Variants in PDIA5 observed in about 807,000 individuals in gnomAD.
The protein encoded by PDIA5 is protein disulfide isomerase family A member 5, also known as protein disulfide-isomerase A5.
In PDIA5, 58 loss-of-function variants were observed where a neutral mutation model predicts 77.6. The observed-to-expected ratio is 0.75, with a 90% CI of 0.61 to 0.93. The LOEUF (loss-of-function observed/expected upper bound fraction) is 0.93, where lower values mean the gene tolerates loss of function less well. PDIA5 is among the 40% of genes least tolerant of loss of function. The probability of loss-of-function intolerance (pLI) is 0.00; values close to 1 mark genes in which losing one functional copy is unlikely to be tolerated. For missense variants in PDIA5, 630 were observed against 647.7 expected, an observed-to-expected ratio of 0.97 and a Z score of 0.30; for synonymous variants, 250 against 252.1, an observed-to-expected ratio of 0.99 and a Z score of 0.08.
At chr3:123,132,335 T>C (rs1935388920) in intron 11 of PDIA5, among the ~76,000 whole-genome samples, 3 of 152,196 alleles carry the variant, frequency 2.0e-5, no homozygotes, top group Admixed American at 2.0e-4. Flanking sequence ...AACATACTCT[T>C]ACCATGGATT....
At chr3:123,077,957 G>A (rs560176175) in intron 1 of PDIA5, among the ~76,000 whole-genome samples, 2 of 151,952 alleles carry the variant, frequency 1.3e-5, no homozygotes, top group African/African-American at 2.4e-5. Context: ...CTACAGGCAC[G>A]TGCCACCATG....
chr3:123,096,633 G>T (rs1269880207), intron 3 of PDIA5, among the ~76,000 whole-genome samples: 3 of 152,096 alleles, frequency 2.0e-5, no homozygotes, highest in Admixed American at 2.0e-4. Flanking sequence ...CTTCTCTGCT[G>T]GTTTTCTCCC....
chr3:123,069,212 G>T lies in PDIA5; in HGVS notation c.42+2006G>T, dbSNP rs553831001. Among the ~76,000 whole-genome samples, 14 of 152,296 alleles carry T rather than the reference G, an allele frequency of 9.2e-5. No individual in the cohort carries two copies. In the East Asian group the frequency reaches 2.7e-3, roughly 29 times the overall value. ...TATCTATCTGATAAGTGCTCCCCAG[G>T]TTCCTGGAAGCCGGTTGGGTTTCTT... On this transcript the variant is annotated intron_variant, in intron 1 of 16. Transcript: ENST00000316218.
Position 123,106,718 on chromosome 3 carries a change from T to C in PDIA5, c.388-31T>C, listed in dbSNP as rs185611008. 2.0e-4 allele frequency: 308 copies of C among 1,506,902 alleles called. No homozygotes were observed. In the African/African-American group the frequency reaches 3.7e-3, roughly 18 times the overall value. The allele number at this position is 1,506,902 out of a possible 1,614,324, so 93.3% of individuals were successfully genotyped here. On this transcript the variant is annotated intron_variant, in intron 5 of 16. Transcript: ENST00000316218. ...CACCTCCCTCTTTTCAGGGCTAAAA[T>C]GCATTTTCTCTTCTCTTTTTTTTCC...
intron 14 of PDIA5, 65 bp from the exon 15 acceptor site, chr3:123,154,906 C>G: frequency 9.3e-7 from 1 of 1,073,590 alleles, no homozygotes; most frequent in Non-Finnish European, 1.4e-6. Context: ...AGGAAGGGTC[C>G]CTGGCCCTGC....
chr3:123,081,986 T>C (rs1353401735), intron 1 of PDIA5, among the ~76,000 whole-genome samples: 3 of 152,170 alleles, frequency 2.0e-5, no homozygotes, highest in Non-Finnish European at 4.4e-5. Context: ...TGTTAGCAGA[T>C]TGGGAGGACC....
chr3:123,086,701 A>G (rs1314249491), intron 1 of PDIA5, among the ~76,000 whole-genome samples: 1 of 152,106 alleles, frequency 6.6e-6, no homozygotes, highest in Non-Finnish European at 1.5e-5. Flanking sequence ...TTCACCATCA[A>G]TGTGGTAATC....
intron 3 of PDIA5, among the ~76,000 whole-genome samples, chr3:123,096,535 A>G (rs977849684): frequency 2.0e-5 from 3 of 151,612 alleles, no homozygotes; most frequent in Non-Finnish European, 2.9e-5. Context: ...CTATATGGAT[A>G]TATATTTTCC....
At chr3:123,120,855 C>A (rs1419435272) in intron 8 of PDIA5, among the ~76,000 whole-genome samples, 1 of 152,150 alleles carries the variant, frequency 6.6e-6, no homozygotes, top group Non-Finnish European at 1.5e-5. Context: ...CTCATGCACC[C>A]TTCATCCTCT....
chr3:123,145,159 T>G, intron 11 of PDIA5: 1 of 200,258 alleles, frequency 5.0e-6, no homozygotes. Flanking sequence ...TGGCTGTGTA[T>G]ATGGCCTTGG....
intron 7 of PDIA5, among the ~76,000 whole-genome samples, chr3:123,112,407 C>T (rs1169956383): frequency 1.3e-5 from 2 of 152,068 alleles, no homozygotes; most frequent in East Asian, 1.9e-4. Context: ...TAAACAAAGG[C>T]TCCTCCCATC....
chr3:123,068,759 G>A (rs191836111), intron 1 of PDIA5, among the ~76,000 whole-genome samples: 2 of 152,226 alleles, frequency 1.3e-5, no homozygotes, highest in East Asian at 1.9e-4. Flanking sequence ...AACACACATT[G>A]TACCTGCCGT....
chr3:123,138,394 T>C (rs1456453265), intron 11 of PDIA5, among the ~76,000 whole-genome samples: 1 of 152,230 alleles, frequency 6.6e-6, no homozygotes, highest in Non-Finnish European at 1.5e-5. Context: ...CTGTAGAATA[T>C]AATGACACTG....
chr3:123,088,153 G>C (rs1487437449), intron 1 of PDIA5, among the ~76,000 whole-genome samples: 1 of 152,158 alleles, frequency 6.6e-6, no homozygotes, highest in Non-Finnish European at 1.5e-5. Context: ...TAACCCTCTT[G>C]CTTTCTGACA....
chr3:123,125,000 C>CT (rs892138764), intron 10 of PDIA5, among the ~76,000 whole-genome samples: 26 of 152,214 alleles, frequency 1.7e-4, no homozygotes, highest in African/African-American at 6.3e-4. Context: ...CCCCACCACC[C>CT]TGTTGGCTCC....
intron 6 of PDIA5, among the ~76,000 whole-genome samples, chr3:123,107,121 A>G (rs1220675379): frequency 6.6e-6 from 1 of 152,196 alleles, no homozygotes; most frequent in Non-Finnish European, 1.5e-5. Flanking sequence ...ATTAATGTAG[A>G]TTTAAATGTT....
chr3:123,109,379 T>C (rs1430605858), intron 6 of PDIA5, among the ~76,000 whole-genome samples: 1 of 152,202 alleles, frequency 6.6e-6, no homozygotes, highest in Non-Finnish European at 1.5e-5. Context: ...AAATCTCTTC[T>C]CAGGTCTTTT....
chr3:123,115,276 C>A (rs957565973), intron 7 of PDIA5, among the ~76,000 whole-genome samples: 14 of 152,326 alleles, frequency 9.2e-5, no homozygotes, highest in Admixed American at 9.1e-4. Context: ...TGCTCATGTC[C>A]TGTGGGATCA....
intron 1 of PDIA5, among the ~76,000 whole-genome samples, chr3:123,083,516 A>G (rs1198702097): frequency 3.3e-5 from 5 of 152,174 alleles, no homozygotes; most frequent in African/African-American, 9.7e-5. Flanking sequence ...AGGAGTTTGC[A>G]TGGTGAACAA....
Sources: gnomAD v4.1 joint callset for allele counts (sites outside exome capture counted in the v4.1 genomes callset) on GRCh38, gnomAD v4.1.1 for gene constraint, MANE v1.5 for transcripts, NCBI Gene and HGNC (gene_info 2026-07-23, HGNC 2026-07-21) for gene names.